The following TSHZ2 variants were observed in gnomAD, a reference collection of about 807,000 sequenced individuals.
The protein encoded by TSHZ2 is teashirt zinc finger homeobox 2, also known as teashirt homolog 2.
TSHZ2 carries 21 observed loss-of-function variants against 74.4 expected under a neutral mutation model. The ratio of observed to expected loss-of-function variants is 0.28; its 90% confidence interval spans 0.20 to 0.41. TSHZ2 has a LOEUF of 0.41. TSHZ2 is among the 10% of genes least tolerant of loss of function. The pLI is 1.00. For synonymous variants in TSHZ2, 540 were observed against 515.3 expected (o/e 1.05, Z -0.65); for missense variants, 1,244 against 1,293.5 (o/e 0.96, Z 0.59).
At chr20:53,353,242 A>AGT (rs1980723953) in intron 2 of TSHZ2, among the ~76,000 whole-genome samples, 1 of 152,204 alleles carries the variant, frequency 6.6e-6, no homozygotes, top group South Asian at 2.1e-4. Flanking sequence ...ACTGCATAGC[A>AGT]AACACCCAGT....
intron 1 of TSHZ2, among the ~76,000 whole-genome samples, chr20:53,241,999 A>G (rs138521302): frequency 1.3e-5 from 2 of 152,284 alleles, no homozygotes; most frequent in African/African-American, 4.8e-5. Flanking sequence ...TTTACTTTTG[A>G]ACCACTCTCT....
rs144148920 is a variant in TSHZ2 at position 53,236,756 on chromosome 20, C to T, written c.41-16743C>T. The stretch of plus-strand genomic sequence containing the variant: ...TGAGAAGCCTCAGGAAACTTACAAT[C>T]ATGACGGAAGGCAAAGGAGAAGCAA... On this transcript the variant is annotated intron_variant, in intron 1 of 2. Transcript: ENST00000371497. Among the ~76,000 whole-genome samples the T allele has an allele frequency of 1.6e-3, 248 of 152,334 alleles. 1 individual carries two copies. The highest frequency in any genetic ancestry group is 5.6e-3 in the African/African-American group (233 of 41,576).
chr20:52,993,203 A>AT (rs994087536), intron 1 of TSHZ2, among the ~76,000 whole-genome samples: 2 of 151,956 alleles, frequency 1.3e-5, no homozygotes, highest in African/African-American at 4.8e-5. Context: ...TCATAAATTT[A>AT]TTTTTTTTCA....
chr20:52,982,431 T>A (rs533654613), intron 1 of TSHZ2, among the ~76,000 whole-genome samples: 1 of 152,350 alleles, frequency 6.6e-6, no homozygotes, highest in South Asian at 2.1e-4. Context: ...AGACGGAGGA[T>A]GCTGCCTTTA....
intron 2 of TSHZ2, among the ~76,000 whole-genome samples, chr20:53,436,536 A>ATTTTTTT (rs71194478): frequency 2.6e-4 from 22 of 83,546 alleles, no homozygotes; most frequent in East Asian, 8.0e-4. Flanking sequence ...TATTATTATT[A>ATTTTTTT]TTATTATTAT....
intron 2 of TSHZ2, among the ~76,000 whole-genome samples, chr20:53,315,145 C>T (rs1349545095): frequency 6.6e-6 from 1 of 152,224 alleles, no homozygotes; most frequent in Admixed American, 6.5e-5. Flanking sequence ...TAGCTGCCAT[C>T]TTTGGAAATC....
intron 1 of TSHZ2, among the ~76,000 whole-genome samples, chr20:53,038,550 C>T (rs1368824076): frequency 6.6e-6 from 1 of 152,188 alleles, no homozygotes; most frequent in African/African-American, 2.4e-5. Flanking sequence ...TAATGGCTGC[C>T]TTTTCTTAGA....
intron 2 of TSHZ2, among the ~76,000 whole-genome samples, chr20:53,318,041 A>G (rs1979095216): frequency 6.6e-6 from 1 of 152,252 alleles, no homozygotes; most frequent in African/African-American, 2.4e-5. Flanking sequence ...GTAGGGGTTC[A>G]GCCAGTATGT....
At chr20:53,427,536 G>C (rs1353854995) in intron 2 of TSHZ2, among the ~76,000 whole-genome samples, 5 of 152,138 alleles carry the variant, frequency 3.3e-5, no homozygotes, top group Admixed American at 3.3e-4. Flanking sequence ...ATTCCACCTG[G>C]CTTCCTCTCT....
intron 2 of TSHZ2, among the ~76,000 whole-genome samples, chr20:53,355,490 A>G (rs1980812792): frequency 6.6e-6 from 1 of 152,226 alleles, no homozygotes; most frequent in African/African-American, 2.4e-5. Context: ...CATTAAGCTA[A>G]GTGAAAGAAT....
intron 1 of TSHZ2, among the ~76,000 whole-genome samples, chr20:53,004,144 C>G (rs948053983): frequency 4.6e-5 from 7 of 152,220 alleles, no homozygotes; most frequent in African/African-American, 9.6e-5. Flanking sequence ...CCCACTCCCC[C>G]CCTCCAATTA....
intron 2 of TSHZ2, among the ~76,000 whole-genome samples, chr20:53,297,886 G>C (rs1991408992): frequency 6.6e-6 from 1 of 152,188 alleles, no homozygotes; most frequent in Non-Finnish European, 1.5e-5. Flanking sequence ...CTCAACCCTG[G>C]AAGGTTTACT....
intron 1 of TSHZ2, among the ~76,000 whole-genome samples, chr20:53,134,251 C>G (rs1987185248): frequency 2.0e-5 from 3 of 152,134 alleles, no homozygotes; most frequent in African/African-American, 4.8e-5. Flanking sequence ...TGTGCTCCAT[C>G]TTCATTTTTA....
intron 2 of TSHZ2, among the ~76,000 whole-genome samples, chr20:53,485,973 A>G (rs755462686): frequency 8.5e-5 from 13 of 152,182 alleles, no homozygotes; most frequent in Non-Finnish European, 1.5e-4. Flanking sequence ...AAACATAACA[A>G]TGTCCATCTA....
intron 2 of TSHZ2, among the ~76,000 whole-genome samples, chr20:53,483,263 A>C (rs1986206365): frequency 6.6e-6 from 1 of 151,988 alleles, no homozygotes; most frequent in Non-Finnish European, 1.5e-5. Context: ...AAAAAATACA[A>C]AAGAATAAAC....
intron 1 of TSHZ2, among the ~76,000 whole-genome samples, chr20:53,130,240 AAATAG>A (rs201370068): frequency 7.9e-6 from 1 of 126,584 alleles, no homozygotes; most frequent in Non-Finnish European, 1.8e-5. Context: ...TAAAAAAAAA[AAATAG>A]AAAGAAAAGA....
At chr20:52,986,188 G>A (rs967378245) in intron 1 of TSHZ2, among the ~76,000 whole-genome samples, 2 of 150,750 alleles carry the variant, frequency 1.3e-5, no homozygotes, top group Non-Finnish European at 3.0e-5. Flanking sequence ...TTGGGAGTTC[G>A]AGACCAGCCT....
At position 53,204,379 on chromosome 20, in the gene TSHZ2, G is replaced by T. The variant is rs199545513; in HGVS notation, c.41-49120G>T. On this transcript the variant is annotated intron_variant, in intron 1 of 2. Coordinates refer to ENST00000371497, the MANE Select transcript of TSHZ2 (RefSeq NM_173485.6). The stretch of plus-strand genomic sequence containing the variant: ...ATGATACTATATCATCATATAACAT[G>T]ATGATATGATACTATATCATCATAT... Among the ~76,000 whole-genome samples, 903 of 128,332 alleles carry T rather than the reference G, an allele frequency of 7.0e-3. 114 individuals carry two copies. Among genetic ancestry groups the T allele is most frequent in the East Asian group, 0.053 (130 of 2,438 alleles). 84.2% of individuals were successfully genotyped at this position (128,332 alleles called of 152,430 possible).
chr20:53,266,770 CG>C (rs1339020413), intron 2 of TSHZ2, among the ~76,000 whole-genome samples: 234 of 134,114 alleles, frequency 1.7e-3, no homozygotes, highest in African/African-American at 6.3e-3. Flanking sequence ...GGCCGATCGA[CG>C]ATTTTTTTTT....
Sources: gnomAD v4.1 joint callset for allele counts (sites outside exome capture counted in the v4.1 genomes callset) on GRCh38, gnomAD v4.1.1 for gene constraint, MANE v1.5 for transcripts, NCBI Gene and HGNC (gene_info 2026-07-23, HGNC 2026-07-21) for gene names.